NREP: variants seen among roughly 807,000 people sequenced by gnomAD.
NREP encodes the protein neuronal regeneration-related protein.
A neutral mutation model predicts 8.6 loss-of-function variants in NREP; 5 were observed. The ratio of observed to expected loss-of-function variants is 0.58; its 90% CI spans 0.30 to 1.22. The LOEUF (loss-of-function observed/expected upper bound fraction) is 1.22. Ranked by LOEUF, NREP falls within the 50% of genes most tolerant of loss-of-function variation. The pLI is 0.07. For synonymous variants in NREP, 27 were observed against 28.0 expected (o/e 0.96, Z 0.11); for missense variants, 86 against 82.5 (o/e 1.04, Z -0.17).
intron 2 of NREP, among the ~76,000 whole-genome samples, chr5:111,841,954 A>T (rs1333195832): frequency 1.3e-5 from 2 of 152,076 alleles, no homozygotes; most frequent in African/African-American, 4.8e-5. Flanking sequence ...ATTTACCCTG[A>T]GATATCTATG....
intron 3 of NREP, chr5:111,734,658 G>A (rs1748937270): frequency 6.0e-6 from 4 of 672,028 alleles, no homozygotes; most frequent in African/African-American, 5.3e-5. Context: ...TAACAGCTGG[G>A]GGAGGACTCA....
chr5:111,766,494 T>G (rs1198646969), intron 2 of NREP, among the ~76,000 whole-genome samples: 1 of 152,226 alleles, frequency 6.6e-6, no homozygotes, highest in Non-Finnish European at 1.5e-5. Context: ...AAAAATCTTA[T>G]GGTTAGAGAA....
chr5:111,802,283 GA>G (rs144627884), intron 2 of NREP, among the ~76,000 whole-genome samples: 2,053 of 152,218 alleles, frequency 0.013, 42 homozygotes, highest in African/African-American at 0.039. Flanking sequence ...AAAATGTTAA[GA>G]AGGTGTCAAA....
At chr5:111,756,736 G>T (rs1240594406) in intron 1 of NREP, among the ~76,000 whole-genome samples, 2 of 152,162 alleles carry the variant, frequency 1.3e-5, no homozygotes, top group Non-Finnish European at 2.9e-5. Flanking sequence ...TGTAAGGGCG[G>T]AGGGACACAA....
intron 2 of NREP, among the ~76,000 whole-genome samples, chr5:111,810,839 TACTTTTC>T (rs1460992822): frequency 6.6e-6 from 1 of 152,200 alleles, no homozygotes; most frequent in Non-Finnish European, 1.5e-5. Flanking sequence ...GTCCTATAAT[TACTTTTC>T]AACATTGACA....
intron 2 of NREP, among the ~76,000 whole-genome samples, chr5:111,826,511 G>A (rs980022419): frequency 6.6e-6 from 1 of 152,194 alleles, no homozygotes; most frequent in African/African-American, 2.4e-5. Context: ...TGCACCAGAA[G>A]GAAGAAACTC....
intron 2 of NREP, among the ~76,000 whole-genome samples, chr5:111,766,910 TA>T (rs987872927): frequency 4.6e-5 from 7 of 152,256 alleles, no homozygotes; most frequent in Admixed American, 4.6e-4. Context: ...CATTGGTTGC[TA>T]AGTTCTGAAA....
At chr5:111,955,986 T>C (rs1328013703) in intron 2 of NREP, among the ~76,000 whole-genome samples, 1 of 151,912 alleles carries the variant, frequency 6.6e-6, no homozygotes, top group Middle Eastern at 3.4e-3. Context: ...TGATTGGATA[T>C]AGTTTCCCAT....
At chr5:111,751,711 G>A (rs998468065) in intron 2 of NREP, among the ~76,000 whole-genome samples, 9 of 151,858 alleles carry the variant, frequency 5.9e-5, no homozygotes, top group South Asian at 2.1e-4. Flanking sequence ...TGTATAACAC[G>A]GGAATTATAC....
chr5:111,954,819 AGTTT>A (rs1455353292), intron 2 of NREP, among the ~76,000 whole-genome samples: 7 of 152,216 alleles, frequency 4.6e-5, no homozygotes, highest in Non-Finnish European at 1.0e-4. Context: ...AACATTAAAC[AGTTT>A]ATTAAAAGTC....
chr5:111,868,264 T>C (rs952657345), intron 2 of NREP, among the ~76,000 whole-genome samples: 5 of 152,154 alleles, frequency 3.3e-5, no homozygotes, highest in African/African-American at 9.7e-5. Context: ...ATAGCTAGCA[T>C]GCTCTCATAC....
intron 2 of NREP, among the ~76,000 whole-genome samples, chr5:111,743,275 A>T (rs2112820187): frequency 6.6e-6 from 1 of 152,112 alleles, no homozygotes; most frequent in African/African-American, 2.4e-5. Flanking sequence ...AAAAAAAAAA[A>T]AATCAGCCTT....
chr5:111,795,862 C>A (rs778510607), intron 2 of NREP, among the ~76,000 whole-genome samples: 2 of 152,156 alleles, frequency 1.3e-5, no homozygotes, highest in African/African-American at 2.4e-5. Context: ...AGCTGAGCAA[C>A]CATTTTATGA....
intron 2 of NREP, among the ~76,000 whole-genome samples, chr5:111,934,230 C>T (rs1158686027): frequency 2.0e-5 from 3 of 151,986 alleles, no homozygotes; most frequent in South Asian, 2.1e-4. Flanking sequence ...AGTTCCATTG[C>T]GGGCATACGT....
chr5:111,731,461 G>A (rs1405081609), intron 3 of NREP, among the ~76,000 whole-genome samples: 3 of 150,308 alleles, frequency 2.0e-5, no homozygotes, highest in Non-Finnish European at 4.4e-5. Context: ...CAGTGGGTGT[G>A]ATGAAGACGG....
intron 2 of NREP, among the ~76,000 whole-genome samples, chr5:111,945,016 T>C (rs1755937044): frequency 6.6e-6 from 1 of 152,046 alleles, no homozygotes; most frequent in South Asian, 2.1e-4. Flanking sequence ...CTATTATTAT[T>C]TGCACCTGTC....
chr5:111,859,944 A>C (rs1753508308), intron 2 of NREP, among the ~76,000 whole-genome samples: 1 of 152,088 alleles, frequency 6.6e-6, no homozygotes, highest in South Asian at 2.1e-4. Context: ...GGCTCACCCA[A>C]ATTTCTTTCA....
chr5:111,799,713 G>C (rs186193114), intron 2 of NREP, among the ~76,000 whole-genome samples: 4 of 152,278 alleles, frequency 2.6e-5, no homozygotes, highest in Non-Finnish European at 5.9e-5. Flanking sequence ...CTGCCTAGAG[G>C]ACATAGTTAC....
chr5:111,956,572 T>C lies in NREP; in HGVS notation c.135+18702A>G, dbSNP rs114704443. On this transcript the variant is annotated intron_variant, in intron 2 of 3. Transcript: ENST00000395634. ...AAAAATTCTAAATAAAAATCATAAA[T>C]ATCTAAAAGGAATTACAGAAAGAGT... is the stretch of plus-strand genomic sequence containing the variant. Among the ~76,000 whole-genome samples, 745 of 152,208 alleles carry C rather than the reference T, an allele frequency of 4.9e-3. 4 individuals are homozygous for C. Among genetic ancestry groups the C allele is most frequent in the African/African-American group, 0.017 (700 of 41,554 alleles).
Sources: gnomAD v4.1 joint callset for allele counts (sites outside exome capture counted in the v4.1 genomes callset) on GRCh38, gnomAD v4.1.1 for gene constraint, MANE v1.5 for transcripts, NCBI Gene and HGNC (gene_info 2026-07-23, HGNC 2026-07-21) for gene names.